The following U2SURP variants were observed in gnomAD, a reference collection of about 807,000 sequenced individuals.
U2SURP encodes the protein U2 snRNP associated SURP domain containing.
Under a neutral mutation model 144.9 loss-of-function variants are expected in U2SURP, and 9 were observed. The observed-to-expected ratio is 0.06, with a 90% confidence interval of 0.04 to 0.11. The LOEUF is 0.11. Ranked by LOEUF, U2SURP falls within the 10% of genes least tolerant of loss-of-function variation. The pLI is 1.00. For synonymous variants in U2SURP, 408 were observed against 396.8 expected (o/e 1.03, Z -0.33); for missense variants, 724 against 1,226.7 (o/e 0.59, Z 6.12).
chr3:143,010,325 A>G (rs529557091), intron 1 of U2SURP, among the ~76,000 whole-genome samples: 13 of 152,322 alleles, frequency 8.5e-5, no homozygotes, highest in African/African-American at 2.6e-4. Context: ...TGGGGATTTG[A>G]TAATATTTTC....
At chr3:143,055,158 G>T in intron 27 of U2SURP, 39 bp downstream of exon 27, 3 of 1,464,392 alleles carry the variant, frequency 2.0e-6, no homozygotes, top group South Asian at 1.4e-5. Flanking sequence ...TCAGATACCA[G>T]TTTCCTTGTC....
At chr3:143,005,066 C>T (rs868528905) in intron 1 of U2SURP, among the ~76,000 whole-genome samples, 51 of 151,516 alleles carry the variant, frequency 3.4e-4, no homozygotes, top group African/African-American at 1.1e-3. Context: ...TTCTTTCCTT[C>T]TGCCATCTCC....
chr3:143,003,879 A>G (rs1935676878), intron 1 of U2SURP, among the ~76,000 whole-genome samples: 2 of 151,304 alleles, frequency 1.3e-5, no homozygotes, highest in South Asian at 4.2e-4. Context: ...TTTAGTAGAG[A>G]CGGGGTTTCA....
intron 24 of U2SURP, 74 bp from the exon 25 acceptor site, chr3:143,050,865 A>G: frequency 2.0e-6 from 2 of 1,022,666 alleles, no homozygotes; most frequent in East Asian, 2.7e-5. Flanking sequence ...ACTTTGCTAT[A>G]GAAAAGAAGC....
In U2SURP at chr3:143,060,700, AATC is replaced by A. The variant is rs548847679; in HGVS notation, c.*4253_*4255del. On this transcript the variant is annotated 3_prime_UTR_variant, in exon 28 of 28. Coordinates refer to ENST00000473835, the MANE Select transcript of U2SURP (RefSeq NM_001080415.2). ...GTTACACTTTACATGTTTAAACTAT[AATC>A]ATATGTTTTCATGCTAGATGGTTCT... is the stretch of plus-strand genomic sequence containing the variant. Among the ~76,000 whole-genome samples the A allele has an allele frequency of 7.9e-5, 12 of 152,112 alleles. No homozygotes were observed. The South Asian group carries it at 1.5e-3, about 18-fold the overall frequency.
At chr3:143,007,865 A>G (rs1935926193) in intron 1 of U2SURP, among the ~76,000 whole-genome samples, 1 of 152,260 alleles carries the variant, frequency 6.6e-6, no homozygotes, top group Non-Finnish European at 1.5e-5. Flanking sequence ...CAGCTTCTGA[A>G]GTAGTGCTAT....
intron 13 of U2SURP, among the ~76,000 whole-genome samples, chr3:143,025,417 C>G (rs1459880995): frequency 6.6e-6 from 1 of 152,084 alleles, no homozygotes; most frequent in East Asian, 1.9e-4. Context: ...ATCTTAAATG[C>G]TAAAGTCAAG....
chr3:143,028,685 T>C, intron 16 of U2SURP, 39 bp downstream of exon 16: 1 of 1,511,422 alleles, frequency 6.6e-7, no homozygotes, highest in Non-Finnish European at 8.9e-7. Context: ...TTCAGAAAAG[T>C]AACTGTAATG....
At chr3:143,027,388 C>T in intron 14 of U2SURP, 135 bp downstream of exon 14, 2 of 623,998 alleles carry the variant, frequency 3.2e-6, no homozygotes, top group Non-Finnish European at 5.3e-6. Context: ...ATCTCCAGAA[C>T]TTTTTTCATC....
chr3:143,050,889 A>G, intron 24 of U2SURP, 50 bp from the exon 25 acceptor site: 1 of 1,282,156 alleles, frequency 7.8e-7, no homozygotes, highest in Non-Finnish European at 1.1e-6. Flanking sequence ...ACAGTGCTTG[A>G]GAATCTAGAA....
At chr3:143,016,159 G>A (rs1280863963) in intron 4 of U2SURP, 98 bp from the exon 5 acceptor site, 2 of 953,352 alleles carry the variant, frequency 2.1e-6, no homozygotes, top group African/African-American at 3.3e-5. Context: ...AACCTGGGAA[G>A]GGAGGGTTTT....
At position 143,059,963 on chromosome 3, in the gene U2SURP, A is replaced by G. The variant is rs999594382; in HGVS notation, c.*3513A>G. On this transcript the variant is annotated 3_prime_UTR_variant, in exon 28 of 28. Transcript: ENST00000473835. ...TTGTTACCAACTTCCTAGGACTTAG[A>G]TAATATATAAATAAGTACAAATCCC... 2.0e-5 allele frequency: 3 copies of G among 152,380 alleles called. No individual in the cohort carries two copies. The highest frequency in any genetic ancestry group is 7.2e-5 in the African/African-American group (3 of 41,428). 9.4% of individuals were successfully genotyped at this position (152,380 alleles called of 1,614,324 possible). A position where few individuals can be genotyped will look rare whatever the true frequency, so the allele number is the denominator to read the frequency against.
intron 24 of U2SURP, 89 bp downstream of exon 24, chr3:143,043,365 T>A: frequency 7.5e-7 from 1 of 1,330,520 alleles, no homozygotes; most frequent in Non-Finnish European, 1.0e-6. Context: ...TGTACCGTAG[T>A]ACATACTGTT....
intron 1 of U2SURP, among the ~76,000 whole-genome samples, chr3:143,008,643 G>A (rs1935966158): frequency 6.6e-6 from 1 of 152,184 alleles, no homozygotes; most frequent in Admixed American, 6.5e-5. Context: ...TTCTTCACAA[G>A]GGTTATATAC....
intron 13 of U2SURP, 63 bp downstream of exon 13, chr3:143,024,081 A>C (rs1932983179): frequency 2.0e-6 from 3 of 1,465,522 alleles, no homozygotes; most frequent in Non-Finnish European, 2.9e-6. Context: ...TGAATTTAAA[A>C]AGAAATGGTG....
At chr3:143,046,252 G>GC (rs1186782344) in intron 24 of U2SURP, among the ~76,000 whole-genome samples, 5 of 144,706 alleles carry the variant, frequency 3.5e-5, no homozygotes, top group Admixed American at 6.8e-5. Flanking sequence ...TGTTGTGGTG[G>GC]CCAGAAGCCA....
chr3:143,033,075 G>A lies in U2SURP; in HGVS notation c.1773+129G>A, dbSNP rs899529023. On this transcript the variant is annotated intron_variant, in intron 17 of 27. Transcript: ENST00000473835. The stretch of plus-strand genomic sequence containing the variant: ...TGCAGTCTTATGTTATTTCTGCTTG[G>A]AAATTTAGGTTCATTAACATACAAG... The A allele has an allele frequency of 3.0e-5, 34 of 1,115,940 alleles. No homozygotes were observed. In the African/African-American group the frequency reaches 5.0e-4, roughly 16 times the overall value. 69.1% of individuals were successfully genotyped at this position (1,115,940 alleles called of 1,614,324 possible).
chr3:143,042,791 A>G (rs181859263), intron 23 of U2SURP, among the ~76,000 whole-genome samples: 1 of 152,344 alleles, frequency 6.6e-6, no homozygotes, highest in Admixed American at 6.5e-5. Context: ...AAGTATGCAG[A>G]AACTTGATTA....
At chr3:143,022,265 CACTGA>C (rs1560184607) in intron 10 of U2SURP, among the ~76,000 whole-genome samples, 1 of 152,114 alleles carries the variant, frequency 6.6e-6, no homozygotes, top group Admixed American at 6.5e-5. Flanking sequence ...TTTCTTCATC[CACTGA>C]ACTTCCCCAC....
Sources: gnomAD v4.1 joint callset for allele counts (sites outside exome capture counted in the v4.1 genomes callset) on GRCh38, gnomAD v4.1.1 for gene constraint, MANE v1.5 for transcripts, NCBI Gene and HGNC (gene_info 2026-07-23, HGNC 2026-07-21) for gene names.